AFDN: variants seen among roughly 807,000 people sequenced by gnomAD.
The protein encoded by AFDN is afadin, adherens junction formation factor, also known as afadin.
Under a neutral mutation model 216.6 loss-of-function variants are expected in AFDN, and 68 were observed. The observed-to-expected ratio is 0.31, with a 90% confidence interval of 0.26 to 0.38. The LOEUF (loss-of-function observed/expected upper bound fraction) is 0.38, where lower values mean the gene tolerates loss of function less well. Among genes scored for constraint, AFDN ranks in the 10% least tolerant of loss-of-function variants. The probability of loss-of-function intolerance (pLI) is 1.00; values close to 1 mark genes in which losing one functional copy is unlikely to be tolerated. For synonymous variants in AFDN, 868 were observed against 853.7 expected (o/e 1.02, Z -0.29); for missense variants, 2,136 against 2,342.0 (o/e 0.91, Z 1.82).
rs768455557 is a variant in AFDN, at chr6:167,969,982, T to C, written c.*47T>C. The C allele has an allele frequency of 1.3e-6, 2 of 1,527,014 alleles. No individual in the cohort carries two copies. Among genetic ancestry groups the C allele is most frequent in the African/African-American group, 1.4e-5 (1 of 70,774 alleles). The allele number at this position is 1,527,014 out of a possible 1,614,324, so 94.6% of individuals were successfully genotyped here. On this transcript the variant is annotated 3_prime_UTR_variant, in exon 34 of 34. Transcript: ENST00000683244. ...TGTATTTACCCCAAAATCTTTTCAG[T>C]TGTGGGTTTGTAGGTGCGAGTTTGA...
At chr6:167,869,824 AAC>A (rs1285190330) in intron 2 of AFDN, among the ~76,000 whole-genome samples, 2 of 152,358 alleles carry the variant, frequency 1.3e-5, no homozygotes, top group South Asian at 2.1e-4. Context: ...AAGTGATGGT[AAC>A]TTTATGGTGG....
intron 31 of AFDN, chr6:167,964,852 C>CT: frequency 9.4e-7 from 1 of 1,065,624 alleles, no homozygotes; most frequent in Non-Finnish European, 1.1e-6. Flanking sequence ...TTTCATCCCC[C>CT]TTCTTATTTA....
At chr6:167,894,190 G>T (rs975714341) in intron 9 of AFDN, among the ~76,000 whole-genome samples, 2 of 152,124 alleles carry the variant, frequency 1.3e-5, no homozygotes, top group Non-Finnish European at 2.9e-5. Flanking sequence ...GGATGCTGGG[G>T]AGTAAAGACA....
intron 23 of AFDN, among the ~76,000 whole-genome samples, chr6:167,935,385 G>A (rs3800532): frequency 0.3 from 46,239 of 152,110 alleles, 8,153 homozygotes; most frequent in East Asian, 0.59. Context: ...ACAAAGGCTG[G>A]ACATAGCAGT....
chr6:167,908,469 G>T (rs888324935), intron 13 of AFDN, among the ~76,000 whole-genome samples: 3 of 152,084 alleles, frequency 2.0e-5, no homozygotes, highest in African/African-American at 7.2e-5. Flanking sequence ...TTTTGTTGGT[G>T]GATTATGGAG....
At chr6:167,841,823 G>A (rs139048196) in intron 1 of AFDN, among the ~76,000 whole-genome samples, 110 of 151,454 alleles carry the variant, frequency 7.3e-4, no homozygotes, top group Middle Eastern at 3.4e-3. Context: ...AGAGCGCTCT[G>A]GATTCTCACC....
intron 6 of AFDN, among the ~76,000 whole-genome samples, chr6:167,881,002 CCTT>C (rs1266850505): frequency 1.3e-5 from 2 of 152,158 alleles, no homozygotes; most frequent in Non-Finnish European, 2.9e-5. Context: ...CTACCCAAAA[CCTT>C]CTGAGATTGT....
intron 3 of AFDN, among the ~76,000 whole-genome samples, chr6:167,870,948 T>C (rs935918248): frequency 2.0e-4 from 30 of 152,132 alleles, no homozygotes; most frequent in Non-Finnish European, 5.9e-5. Context: ...TGGAATAGAG[T>C]GATTCTACAA....
intron 21 of AFDN, among the ~76,000 whole-genome samples, chr6:167,921,824 G>A (rs144059337): frequency 8.6e-5 from 13 of 151,804 alleles, no homozygotes; most frequent in East Asian, 7.7e-4. Flanking sequence ...AAAAAACTAA[G>A]TAAAATTACT....
In AFDN at chr6:167,965,742, T is replaced by A; in HGVS notation, c.4969-15T>A. The A allele has an allele frequency of 6.6e-7, 1 of 1,515,822 alleles. No homozygotes were observed. The highest frequency in any genetic ancestry group is 1.4e-5 in the South Asian group (1 of 73,498). The allele number at this position is 1,515,822 out of a possible 1,614,324, so 93.9% of individuals were successfully genotyped here. ...CACCTCTGACCTTTGCACTCTTGTC[T>A]ATTCCCGCCCGCAGAGGCGACAGGA... On this transcript the variant is annotated splice_polypyrimidine_tract_variant and intron_variant, in intron 31 of 33. Coordinates refer to ENST00000683244, the MANE Select transcript of AFDN (RefSeq NM_001386888.1).
Position 167,918,815 on chromosome 6 carries a change from GGAGGAGGATCCT to G in AFDN, c.2793_2804del (p.Glu931_Pro934del), listed in dbSNP as rs1250761456. On this transcript the variant is annotated inframe_deletion, in exon 21 of 34. Coordinates refer to ENST00000683244, the MANE Select transcript of AFDN (RefSeq NM_001386888.1). ...GCAGTGATGGAAGGGAAGTGCAGTT[GGAGGAGGATCCT>G]GATCTGCAGCTGCCGTTTCTTTTGC... 1 of 1,612,808 alleles carries G rather than the reference GGAGGAGGATCCT, an allele frequency of 6.2e-7. No homozygotes were observed. The highest frequency in any genetic ancestry group is 8.5e-7 in the Non-Finnish European group (1 of 1,179,268).
chr6:167,834,492 A>G (rs1194239576), intron 1 of AFDN, among the ~76,000 whole-genome samples: 1 of 140,756 alleles, frequency 7.1e-6, no homozygotes, highest in African/African-American at 2.7e-5. Context: ...AAAGGTATAA[A>G]ACGTGATAGA....
intron 1 of AFDN, among the ~76,000 whole-genome samples, chr6:167,843,477 G>C (rs1380761313): frequency 1.3e-5 from 2 of 152,206 alleles, no homozygotes; most frequent in Non-Finnish European, 2.9e-5. Flanking sequence ...CACTAAACTT[G>C]AGCTCTTTGA....
chr6:167,897,105 A>C, intron 10 of AFDN, 133 bp downstream of exon 10: 1 of 453,114 alleles, frequency 2.2e-6, no homozygotes, highest in Non-Finnish European at 3.9e-6. Flanking sequence ...TAATTTATCT[A>C]CTCTGGGTCA....
chr6:167,914,583 A>G lies in AFDN; in HGVS notation c.2205-61A>G. On this transcript the variant is annotated intron_variant, in intron 17 of 33. Coordinates refer to ENST00000683244, the MANE Select transcript of AFDN (RefSeq NM_001386888.1). ...AGTCCAGATTGTTTCCCATGTGATA[A>G]CATGTCTGACAATAGCTGTCTGTCA... 3.2e-6 allele frequency: 4 copies of G among 1,236,532 alleles called. No individual in the cohort carries two copies. In the East Asian group the frequency reaches 9.4e-5, roughly 29 times the overall value. The allele number at this position is 1,236,532 out of a possible 1,614,324, so 76.6% of individuals were successfully genotyped here.
At chr6:167,835,841 T>A (rs1273841049) in intron 1 of AFDN, among the ~76,000 whole-genome samples, 1 of 152,188 alleles carries the variant, frequency 6.6e-6, no homozygotes, top group Non-Finnish European at 1.5e-5. Flanking sequence ...GACTGCAGTT[T>A]ATGAGCTGCT....
At chr6:167,873,845 T>C (rs1785048128) in intron 4 of AFDN, among the ~76,000 whole-genome samples, 1 of 152,232 alleles carries the variant, frequency 6.6e-6, no homozygotes, top group South Asian at 2.1e-4. Context: ...AAATTGATTC[T>C]AAGTGTCCTG....
At chr6:167,864,940 A>T in intron 2 of AFDN, 194 bp downstream of exon 2, 2 of 758,394 alleles carry the variant, frequency 2.6e-6, no homozygotes, top group Non-Finnish European at 2.4e-6. Context: ...TCCCTGGCAC[A>T]TATATCTGTT....
chr6:167,965,150 T>G, intron 31 of AFDN: 1 of 884,268 alleles, frequency 1.1e-6, no homozygotes. Flanking sequence ...AATGAGTGTT[T>G]TTTTTTTTTT....
Sources: gnomAD v4.1 joint callset for allele counts (sites outside exome capture counted in the v4.1 genomes callset) on GRCh38, gnomAD v4.1.1 for gene constraint, MANE v1.5 for transcripts, NCBI Gene and HGNC (gene_info 2026-07-23, HGNC 2026-07-21) for gene names.